The following CES2 variants were observed in gnomAD, a reference collection of about 807,000 sequenced individuals.
CES2 encodes the protein carboxylesterase 2.
Under a neutral mutation model 52.1 loss-of-function variants are expected in CES2, and 42 were observed. The ratio of observed to expected loss-of-function variants is 0.81; its 90% CI spans 0.63 to 1.04. The LOEUF is 1.04. Among genes scored for constraint, CES2 ranks in the 50% least tolerant of loss-of-function variants. CES2 has a pLI of 0.00. For synonymous variants in CES2, 277 were observed against 289.6 expected, an observed-to-expected ratio of 0.96 and a Z score of 0.44; for missense variants, 656 against 724.3, an observed-to-expected ratio of 0.91 and a Z score of 1.08.
In CES2 at chr16:66,943,787, C is replaced by CG; in HGVS notation, c.1494-47dup. The CG allele has an allele frequency of 6.8e-7, 1 of 1,469,192 alleles. No individual in the cohort carries two copies. The highest frequency in any genetic ancestry group is 9.2e-7 in the Non-Finnish European group (1 of 1,084,622). 91.0% of individuals were successfully genotyped at this position (1,469,192 alleles called of 1,614,324 possible). ...ACTCAGGGTGCTCAGGTCTGGGCTT[C>CG]GGGGGCCCAGAGTGACCCTCATACT... On this transcript the variant is annotated intron_variant, in intron 11 of 11. Transcript: ENST00000317091. This position sits in a 1 kb window ranked among gnomAD's most constrained non-coding sequence, Gnocchi z 4.2.
Position 66,941,657 on chromosome 16 carries a change from A to G in CES2, c.1056+11A>G. The G allele has an allele frequency of 3.1e-6, 5 of 1,613,658 alleles. No homozygotes were observed. Among genetic ancestry groups the G allele is most frequent in the Non-Finnish European group, 4.2e-6 (5 of 1,179,718 alleles). On this transcript the variant is annotated intron_variant, in intron 7 of 11. Transcript: ENST00000317091. Reference sequence around the variant, plus strand: ...TGGCTCATCCCCAAGGTGAGCCCCAACCCAAGCCCACAAGTGCCTGGGGAG... The same window carrying G: ...TGGCTCATCCCCAAGGTGAGCCCCAGCCCAAGCCCACAAGTGCCTGGGGAG...
At chr16:66,935,271 A>T, upstream of CES2, 1 of 660,704 alleles carries the variant, frequency 1.5e-6, no homozygotes, top group Non-Finnish European at 2.5e-6. Context: ...CCTCCTATCG[A>T]TCCCCCAGCG....
chr16:66,939,903 C>G (rs758275392), intron 3 of CES2, among the ~76,000 whole-genome samples: 2 of 152,200 alleles, frequency 1.3e-5, no homozygotes, highest in African/African-American at 2.4e-5. Flanking sequence ...CGGGGTCTCA[C>G]TATGTGGTTC....
At chr16:66,936,199 C>T (rs1963212448) in intron 1 of CES2, among the ~76,000 whole-genome samples, 1 of 152,132 alleles carries the variant, frequency 6.6e-6, no homozygotes, top group Non-Finnish European at 1.5e-5. Flanking sequence ...GAACAGAAGC[C>T]CCCAGGCGCC....
Position 66,941,783 on chromosome 16 carries a change from G to C in CES2, c.1072G>C (p.Asp358His), listed in dbSNP as rs749741466. Reference sequence around the variant, plus strand: ...GGCCATCCAGGTCATGAGGATCTATGATACCCAGAAGGAAATGGACAGAGA... The same window carrying C: ...GGCCATCCAGGTCATGAGGATCTATCATACCCAGAAGGAAATGGACAGAGA... ...WLIPKVMRIY[D>H]TQKEMDREAS... is the part of the protein sequence containing the mutation. The change falls in exon 8 of 12, where the codon GAT becomes CAT. Residue 358 changes from aspartate to histidine, a missense_variant. Coordinates refer to ENST00000317091, the MANE Select transcript of CES2 (RefSeq NM_001365405.1). 6.2e-7 allele frequency: 1 copy of C among 1,614,134 alleles called. No homozygotes were observed. The highest frequency in any genetic ancestry group is 8.5e-7 in the Non-Finnish European group (1 of 1,180,002).
At chr16:66,935,471 A>T (rs774458777), upstream of CES2, 2 of 1,612,516 alleles carry the variant, frequency 1.2e-6, no homozygotes, top group Admixed American at 3.3e-5. Context: ...CTCTCCTACC[A>T]CACCCACCTT....
chr16:66,944,325 G>GAGAGAA lies in CES2; in HGVS notation c.*305_*306insAAGAGA, dbSNP rs1555523761. 6 of 197,008 alleles carry GAGAGAA rather than the reference G, an allele frequency of 3.0e-5. No homozygotes were observed. Among genetic ancestry groups the GAGAGAA allele is most frequent in the African/African-American group, 1.5e-4 (6 of 39,030 alleles). The allele number at this position is 197,008 out of a possible 1,614,324, so 12.2% of individuals were successfully genotyped here. A position where few individuals can be genotyped will look rare whatever the true frequency, so the allele number is the denominator to read the frequency against. On this transcript the variant is annotated 3_prime_UTR_variant, in exon 12 of 12. Coordinates refer to ENST00000317091, the MANE Select transcript of CES2 (RefSeq NM_001365405.1). ...CCTTCTCAAAAAAAAAAAAAAAAAA[G>GAGAGAA]AGAGAGTGTGTGATTAGAAGCTAAA...
intron 1 of CES2, 51 bp from the exon 2 acceptor site, chr16:66,937,986 G>T: frequency 1.4e-6 from 2 of 1,457,654 alleles, no homozygotes; most frequent in Non-Finnish European, 1.9e-6. Flanking sequence ...ACAGTTGGGA[G>T]GGCAGTCGAT....
Position 66,941,811 on chromosome 16 carries a change from C to G in CES2, c.1100C>G (p.Ala367Gly). 1 of 1,614,140 alleles carries G rather than the reference C, an allele frequency of 6.2e-7. No homozygotes were observed. Among genetic ancestry groups the G allele is most frequent in the South Asian group, 1.1e-5 (1 of 91,082 alleles). The change falls in exon 8 of 12, where the codon GCC becomes GGC. Residue 367 changes from alanine to glycine, a missense_variant. Ala to Gly is a moderately conservative substitution (Grantham distance 60). Coordinates refer to ENST00000317091, the MANE Select transcript of CES2 (RefSeq NM_001365405.1). ...ACCCAGAAGGAAATGGACAGAGAGG[C>G]CTCCCAGGCTGCTCTGCAGAAAATG... ...YDTQKEMDRE[A>G]SQAALQKMLT... is the part of the protein sequence containing the mutation.
At position 66,940,503 on chromosome 16, in the gene CES2, C is replaced by T. The variant is rs957447788; in HGVS notation, c.624C>T (p.Val208=). 2.2e-5 allele frequency: 35 copies of T among 1,614,230 alleles called. No homozygotes were observed. The highest frequency in any genetic ancestry group is 2.7e-5 in the Non-Finnish European group (32 of 1,180,034). ...YLDQVAALRW[V]QQNIAHFGGN... ...ACCAAGTGGCTGCACTACGCTGGGTCCAGCAGAATATCGCCCACTTTGGAG... is the reference window on the plus strand; with the variant it reads ...ACCAAGTGGCTGCACTACGCTGGGTTCAGCAGAATATCGCCCACTTTGGAG... Residue 208 remains valine, a synonymous_variant, in exon 5 of 12, where the codon GTC becomes GTT. Transcript: ENST00000317091.
At chr16:66,935,844 G>A in intron 1 of CES2, 133 bp downstream of exon 1, 1 of 1,550,674 alleles carries the variant, frequency 6.4e-7, no homozygotes, top group Non-Finnish European at 8.7e-7. Flanking sequence ...TGGAACTCGT[G>A]AGCCCCACGC....
At chr16:66,937,812 A>G (rs548921753) in intron 1 of CES2, among the ~76,000 whole-genome samples, 2 of 152,312 alleles carry the variant, frequency 1.3e-5, no homozygotes, top group South Asian at 4.1e-4. Context: ...CTAGGGCTGA[A>G]TGATGATGCC....
chr16:66,935,465 C>G (rs879573655), upstream of CES2: 6 of 1,612,284 alleles, frequency 3.7e-6, no homozygotes, highest in Admixed American at 1.7e-5. Flanking sequence ...GTCCCGCTCT[C>G]CTACCACACC....
In CES2 at chr16:66,943,502, C is replaced by A. The variant is rs1256671717; in HGVS notation, c.1493+131C>A. 6 of 927,538 alleles carry A rather than the reference C, an allele frequency of 6.5e-6. No individual in the cohort carries two copies. Among genetic ancestry groups the A allele is most frequent in the Non-Finnish European group, 1.0e-5 (6 of 599,104 alleles). 57.5% of individuals were successfully genotyped at this position (927,538 alleles called of 1,614,324 possible). On this transcript the variant is annotated intron_variant, in intron 11 of 11. Transcript: ENST00000317091. This position sits in a 1 kb window ranked among gnomAD's most constrained non-coding sequence, Gnocchi z 4.2. ...CACATGATGGCCCCTTCCCCAGCTC[C>A]GGGACCCACTCAGACAGGGTGGGGG...
upstream of CES2, chr16:66,935,405 C>T (rs750126262): frequency 1.9e-5 from 30 of 1,541,354 alleles, no homozygotes; most frequent in Middle Eastern, 1.8e-4. Context: ...GGAAAGTGGC[C>T]GTGCCCGGGC....
At chr16:66,942,071 T>C (rs1259182688) in intron 8 of CES2, 34 bp from the exon 9 acceptor site, 1 of 1,584,406 alleles carries the variant, frequency 6.3e-7, no homozygotes, top group South Asian at 1.1e-5. Flanking sequence ...TGGCATCCAG[T>C]CTAACCTGCC....
Position 66,943,530 on chromosome 16 carries a change from C to G in CES2, c.1493+159C>G. ...GACCCACTCAGACAGGGTGGGGGTG[C>G]GTGGGGCAGTGGACACGCTCTATCT... On this transcript the variant is annotated intron_variant, in intron 11 of 11. Transcript: ENST00000317091. This position sits in a 1 kb window ranked among gnomAD's most constrained non-coding sequence, Gnocchi z 4.2. 1.4e-6 allele frequency: 1 copy of G among 731,726 alleles called. No homozygotes were observed. The highest frequency in any genetic ancestry group is 2.7e-5 in the East Asian group (1 of 36,488). The allele number at this position is 731,726 out of a possible 1,614,324, so 45.3% of individuals were successfully genotyped here.
At chr16:66,939,145 G>T in intron 2 of CES2, 72 bp from the exon 3 acceptor site, 2 of 1,343,462 alleles carry the variant, frequency 1.5e-6, no homozygotes, top group Non-Finnish European at 1.1e-6. Flanking sequence ...GTGGCTGGGA[G>T]CACCTCTGAA....
Position 66,943,768 on chromosome 16 carries a change from G to C in CES2, c.1494-71G>C. On this transcript the variant is annotated intron_variant, in intron 11 of 11. Transcript: ENST00000317091. The surrounding 1 kb of genome is among the most constrained non-coding windows in gnomAD (Gnocchi z 4.2). ...GGCTGCCTTGCCTGACCAGACTCAGGGTGCTCAGGTCTGGGCTTCGGGGGC... is the reference window on the plus strand; with the variant it reads ...GGCTGCCTTGCCTGACCAGACTCAGCGTGCTCAGGTCTGGGCTTCGGGGGC... 1 of 1,312,198 alleles carries C rather than the reference G, an allele frequency of 7.6e-7. No homozygotes were observed. Among genetic ancestry groups the C allele is most frequent in the Non-Finnish European group, 1.0e-6 (1 of 952,532 alleles). The allele number at this position is 1,312,198 out of a possible 1,614,324, so 81.3% of individuals were successfully genotyped here.
Sources: allele counts gnomAD v4.1 joint callset (sites outside exome capture counted in the v4.1 genomes callset), GRCh38; gene constraint gnomAD v4.1.1; non-coding constraint Gnocchi (gnomAD v3.1); transcripts MANE v1.5; gene names NCBI Gene and HGNC (gene_info 2026-07-23, HGNC 2026-07-21).